DIAPH1: variants seen among roughly 807,000 people sequenced by gnomAD.
The protein encoded by DIAPH1 is diaphanous related formin 1.
In DIAPH1, 46 loss-of-function variants were observed where a neutral mutation model predicts 140.7. The observed-to-expected ratio is 0.33, with a 90% CI of 0.26 to 0.42. The LOEUF (loss-of-function observed/expected upper bound fraction) is 0.42. Among genes scored for constraint, DIAPH1 ranks in the 10% least tolerant of loss-of-function variants. The pLI is 1.00. For missense variants in DIAPH1, 1,310 were observed against 1,558.7 expected, an observed-to-expected ratio of 0.84 and a Z score of 2.69; for synonymous variants, 565 against 551.6, an observed-to-expected ratio of 1.02 and a Z score of -0.34.
chr5:141,571,708 AATACCTAC>A, intron 17 of DIAPH1: 1 of 681,488 alleles, frequency 1.5e-6, no homozygotes, highest in Admixed American at 2.2e-5. Flanking sequence ...ACTGATACAA[AATACCTAC>A]ATACAACAGT....
At chr5:141,543,556 C>A (rs2099890320) in intron 18 of DIAPH1, among the ~76,000 whole-genome samples, 1 of 152,120 alleles carries the variant, frequency 6.6e-6, no homozygotes, top group South Asian at 2.1e-4. Context: ...AGAAATTGTA[C>A]TTCAAATTTT....
At chr5:141,581,505 T>C (rs1400001875) in intron 7 of DIAPH1, among the ~76,000 whole-genome samples, 1 of 152,202 alleles carries the variant, frequency 6.6e-6, no homozygotes, top group Non-Finnish European at 1.5e-5. Flanking sequence ...AATAAAAGTC[T>C]TTGATTTATA....
chr5:141,549,269 A>G (rs944252477), intron 18 of DIAPH1, among the ~76,000 whole-genome samples: 1 of 152,222 alleles, frequency 6.6e-6, no homozygotes, highest in Non-Finnish European at 1.5e-5. Flanking sequence ...TACTAGTATC[A>G]GATAGAGATA....
At chr5:141,591,365 A>C (rs1596396401) in intron 1 of DIAPH1, among the ~76,000 whole-genome samples, 1 of 152,094 alleles carries the variant, frequency 6.6e-6, no homozygotes, top group East Asian at 1.9e-4. Context: ...TTCCAGACTA[A>C]GTTACTTGAT....
chr5:141,528,794 G>T lies in DIAPH1; in HGVS notation c.2926C>A (p.Leu976Ile). The T allele has an allele frequency of 6.2e-7, 1 of 1,614,252 alleles. No homozygotes were observed. The highest frequency in any genetic ancestry group is 8.5e-7 in the Non-Finnish European group (1 of 1,180,044). ...ELRKSESFSN[L>I]LEITLLVGNY... ...CCAACAAGCAAGGTAATCTCTAGGA[G>T]ATTGGAAAAGCTCTCACTCTTACGT... The change falls in exon 22 of 28, where the codon CTC becomes ATC. Residue 976 changes from leucine to isoleucine, a missense_variant. Transcript: ENST00000389054.
chr5:141,607,115 G>A (rs1393128637), intron 1 of DIAPH1, among the ~76,000 whole-genome samples: 2 of 152,066 alleles, frequency 1.3e-5, no homozygotes, highest in East Asian at 1.9e-4. Flanking sequence ...AATCTAGATG[G>A]GAGATAAGAC....
intron 7 of DIAPH1, among the ~76,000 whole-genome samples, chr5:141,581,255 T>G (rs977839519): frequency 4.6e-5 from 7 of 151,996 alleles, no homozygotes; most frequent in African/African-American, 1.7e-4. Context: ...TACCAGAAAC[T>G]AGGAGGGATA....
chr5:141,564,373 C>G (rs1360839441), intron 18 of DIAPH1: 1 of 152,206 alleles, frequency 6.6e-6, no homozygotes, highest in Non-Finnish European at 1.5e-5. Flanking sequence ...AATGACACAT[C>G]TAAAATAAAA....
Position 141,575,630 on chromosome 5 carries a change from CAG to C in DIAPH1, c.1462-486_1462-485del, listed in dbSNP as rs542574183. On this transcript the variant is annotated intron_variant, in intron 14 of 27. Coordinates refer to ENST00000389054, the MANE Select transcript of DIAPH1 (RefSeq NM_005219.5). ...CGCCACTGCACTCCAGCCTGGATGA[CAG>C]AGTGAGACTCCGTCTCAAAAAAAAA... 3.7e-3 allele frequency among the ~76,000 whole-genome samples: 561 copies of C among 150,466 alleles called. 5 individuals are homozygous for C. Among genetic ancestry groups the C allele is most frequent in the Admixed American group, 0.011 (163 of 15,106 alleles).
intron 18 of DIAPH1, among the ~76,000 whole-genome samples, chr5:141,549,393 A>G (rs746137058): frequency 6.6e-5 from 10 of 152,198 alleles, no homozygotes; most frequent in Non-Finnish European, 1.2e-4. Context: ...TAAAATATAT[A>G]AAGTTAAAAA....
intron 18 of DIAPH1, among the ~76,000 whole-genome samples, chr5:141,537,917 G>A (rs952976134): frequency 2.0e-5 from 3 of 152,028 alleles, no homozygotes; most frequent in Middle Eastern, 3.2e-3. Context: ...CTTGAGACAG[G>A]GTCTCATTTG....
At chr5:141,616,981 C>G (rs190072075) in intron 1 of DIAPH1, among the ~76,000 whole-genome samples, 1 of 152,240 alleles carries the variant, frequency 6.6e-6, no homozygotes, top group East Asian at 1.9e-4. Context: ...GTAGACTTCA[C>G]AAGTTCGTGA....
chr5:141,548,319 A>G (rs1365882219), intron 18 of DIAPH1, among the ~76,000 whole-genome samples: 3 of 152,036 alleles, frequency 2.0e-5, no homozygotes, highest in African/African-American at 7.2e-5. Context: ...CAAAATATGG[A>G]TGAAATAAAG....
chr5:141,535,314 G>A (rs2099888848), intron 18 of DIAPH1, among the ~76,000 whole-genome samples: 1 of 152,124 alleles, frequency 6.6e-6, no homozygotes, highest in Admixed American at 6.5e-5. Flanking sequence ...GCCTATGATT[G>A]AGGTAAAATA....
chr5:141,530,078 G>A (rs541351557), intron 19 of DIAPH1, among the ~76,000 whole-genome samples: 11 of 152,120 alleles, frequency 7.2e-5, no homozygotes, highest in African/African-American at 2.2e-4. Flanking sequence ...AGCGAGACCC[G>A]TCTCAAAAAA....
chr5:141,551,061 A>G (rs1170821834), intron 18 of DIAPH1, among the ~76,000 whole-genome samples: 1 of 152,246 alleles, frequency 6.6e-6, no homozygotes, highest in East Asian at 1.9e-4. Context: ...ACAATTGGTA[A>G]AATCTGAAGA....
Position 141,618,942 on chromosome 5 carries a change from C to A in DIAPH1, c.-28G>T, listed in dbSNP as rs573787753. ...CCCGGTTCACGCTGGCCGGCGACCC[C>A]GCGCCTACGCCGCTCCCGCCTGGCA... On this transcript the variant is annotated 5_prime_UTR_variant, in exon 1 of 28. Transcript: ENST00000389054. 3.7e-6 allele frequency: 5 copies of A among 1,339,320 alleles called. No homozygotes were observed. The highest frequency in any genetic ancestry group is 5.5e-5 in the Admixed American group (2 of 36,274). The allele number at this position is 1,339,320 out of a possible 1,614,324, so 83.0% of individuals were successfully genotyped here.
At chr5:141,525,988 G>A in intron 26 of DIAPH1, 50 bp downstream of exon 26, 1 of 1,611,746 alleles carries the variant, frequency 6.2e-7, no homozygotes, top group South Asian at 1.1e-5. Context: ...AGGCAGAGAA[G>A]TCTTCCCAAC....
intron 17 of DIAPH1, 33 bp from the exon 18 acceptor site, chr5:141,571,469 A>G (rs1302854339): frequency 8.1e-6 from 13 of 1,599,068 alleles, no homozygotes; most frequent in Admixed American, 6.8e-5. Flanking sequence ...GGGAGAAGGC[A>G]TCCAATATTG....
Sources: gnomAD v4.1 joint callset for allele counts (sites outside exome capture counted in the v4.1 genomes callset) on GRCh38, gnomAD v4.1.1 for gene constraint, MANE v1.5 for transcripts, NCBI Gene and HGNC (gene_info 2026-07-23, HGNC 2026-07-21) for gene names.